ELMO1: variants seen among roughly 807,000 people sequenced by gnomAD.
ELMO1 encodes the protein engulfment and cell motility protein 1.
ELMO1 carries 26 observed loss-of-function variants against 98.9 expected under a neutral mutation model. The ratio of observed to expected loss-of-function variants is 0.26; its 90% CI spans 0.19 to 0.36. The LOEUF is 0.36. Among genes scored for constraint, ELMO1 ranks in the 10% least tolerant of loss-of-function variants. The probability of loss-of-function intolerance (pLI) is 1.00; values close to 1 mark genes in which losing one functional copy is unlikely to be tolerated. For synonymous variants in ELMO1, 346 were observed against 346.0 expected, an observed-to-expected ratio of 1.00 and a Z score of 0.00; for missense variants, 627 against 935.2, an observed-to-expected ratio of 0.67 and a Z score of 4.30.
intron 1 of ELMO1, among the ~76,000 whole-genome samples, chr7:37,397,764 C>T (rs867606513): frequency 7.2e-5 from 11 of 152,110 alleles, no homozygotes; most frequent in Admixed American, 1.3e-4. Flanking sequence ...TGCCCATCAA[C>T]GATCGACTGG....
At chr7:37,234,677 G>GGATGAT (rs10673256) in intron 7 of ELMO1, among the ~76,000 whole-genome samples, 24 of 151,814 alleles carry the variant, frequency 1.6e-4, no homozygotes, top group Middle Eastern at 3.4e-3. Context: ...TTAAAAATGG[G>GGATGAT]GATGATGATG....
intron 1 of ELMO1, among the ~76,000 whole-genome samples, chr7:37,365,722 C>T (rs1341868973): frequency 2.0e-5 from 3 of 152,314 alleles, no homozygotes; most frequent in Non-Finnish European, 4.4e-5. Flanking sequence ...AGTCTTCTTT[C>T]CTGAATAGTA....
intron 1 of ELMO1, among the ~76,000 whole-genome samples, chr7:37,418,975 T>C (rs916416788): frequency 6.6e-6 from 1 of 152,016 alleles, no homozygotes; most frequent in Admixed American, 6.6e-5. Flanking sequence ...CCCAGCGTGA[T>C]TGAGATCTCT....
intron 13 of ELMO1, among the ~76,000 whole-genome samples, chr7:37,163,698 T>C (rs943957589): frequency 1.3e-5 from 2 of 152,264 alleles, no homozygotes; most frequent in Non-Finnish European, 2.9e-5. Context: ...TAGTATTCCA[T>C]GGTGTATATG....
At chr7:37,369,816 T>C (rs1326991382) in intron 1 of ELMO1, among the ~76,000 whole-genome samples, 1 of 152,052 alleles carries the variant, frequency 6.6e-6, no homozygotes, top group East Asian at 1.9e-4. Flanking sequence ...ATATCTTCAA[T>C]GGTGGGGCTC....
intron 18 of ELMO1, among the ~76,000 whole-genome samples, chr7:36,884,732 C>T (rs575474108): frequency 1.3e-4 from 20 of 152,332 alleles, no homozygotes; most frequent in African/African-American, 4.1e-4. Flanking sequence ...GCTAGCCAAA[C>T]GTGGCACAGT....
At chr7:37,371,746 T>C (rs187924913) in intron 1 of ELMO1, among the ~76,000 whole-genome samples, 9 of 152,326 alleles carry the variant, frequency 5.9e-5, no homozygotes, top group East Asian at 1.9e-4. Flanking sequence ...CAGACTCTCC[T>C]GGTTCTCCTA....
At chr7:37,243,409 C>T (rs534988332) in intron 7 of ELMO1, among the ~76,000 whole-genome samples, 2 of 152,196 alleles carry the variant, frequency 1.3e-5, no homozygotes, top group South Asian at 4.1e-4. Context: ...AGACAATGCC[C>T]AGGATAAAGT....
chr7:37,345,366 A>G (rs1800945558), intron 1 of ELMO1, among the ~76,000 whole-genome samples: 1 of 152,042 alleles, frequency 6.6e-6, no homozygotes. Flanking sequence ...CAGGAATACA[A>G]TTTTAAACAG....
At chr7:37,398,823 A>G (rs971033515) in intron 1 of ELMO1, among the ~76,000 whole-genome samples, 2 of 152,146 alleles carry the variant, frequency 1.3e-5, no homozygotes, top group African/African-American at 4.8e-5. Flanking sequence ...CTGCATCTAC[A>G]ATGTGGGGCC....
chr7:37,394,178 C>G (rs1035577172), intron 1 of ELMO1, among the ~76,000 whole-genome samples: 8 of 152,276 alleles, frequency 5.3e-5, no homozygotes, highest in African/African-American at 1.4e-4. Flanking sequence ...AGAGAATGGT[C>G]TCTCACAGAA....
At chr7:36,863,089 G>GA (rs1802754987) in intron 20 of ELMO1, among the ~76,000 whole-genome samples, 1 of 152,150 alleles carries the variant, frequency 6.6e-6, no homozygotes, top group Non-Finnish European at 1.5e-5. Flanking sequence ...GTCCCTCATT[G>GA]AGAGGGGGCA....
At chr7:36,890,114 T>TGGGGTCAATCAGGCC (rs1805425845) in intron 17 of ELMO1, among the ~76,000 whole-genome samples, 2 of 152,254 alleles carry the variant, frequency 1.3e-5, no homozygotes, top group Non-Finnish European at 2.9e-5. Context: ...ATTCTGAGCT[T>TGGGGTCAATCAGGCC]GGGGTCAATC....
At chr7:36,888,685 C>G (rs756482100) in intron 17 of ELMO1, among the ~76,000 whole-genome samples, 1 of 152,226 alleles carries the variant, frequency 6.6e-6, no homozygotes, top group Non-Finnish European at 1.5e-5. Context: ...TAAGGCACAA[C>G]TGAATTTGCT....
chr7:36,974,738 G>C (rs1029510250), intron 16 of ELMO1, among the ~76,000 whole-genome samples: 13 of 152,116 alleles, frequency 8.5e-5, no homozygotes, highest in Admixed American at 5.2e-4. Context: ...TTGTTCTTTC[G>C]CTCTTTGCAA....
chr7:36,947,427 A>G (rs1269267062), intron 16 of ELMO1, among the ~76,000 whole-genome samples: 4 of 151,692 alleles, frequency 2.6e-5, no homozygotes, highest in African/African-American at 7.3e-5. Flanking sequence ...TCATTTTCCA[A>G]CTCACTCTCC....
chr7:37,371,493 G>A (rs779367130), intron 1 of ELMO1, among the ~76,000 whole-genome samples: 8 of 152,048 alleles, frequency 5.3e-5, no homozygotes, highest in Non-Finnish European at 1.0e-4. Context: ...TCATTTACTC[G>A]GAAAACTTAT....
At chr7:37,311,705 G>T (rs7779294) in intron 4 of ELMO1, among the ~76,000 whole-genome samples, 5,625 of 152,230 alleles carry the variant, frequency 0.037, 325 homozygotes, top group African/African-American at 0.12. Flanking sequence ...GCTGTGCCCA[G>T]TGACAGCTGC....
intron 1 of ELMO1, among the ~76,000 whole-genome samples, chr7:37,405,368 G>T (rs1210233676): frequency 1.3e-5 from 2 of 152,036 alleles, no homozygotes; most frequent in African/African-American, 4.8e-5. Flanking sequence ...CTGCCCCCAT[G>T]TCTGTCTGTC....
Sources: allele counts gnomAD v4.1 joint callset (sites outside exome capture counted in the v4.1 genomes callset), GRCh38; gene constraint gnomAD v4.1.1; transcripts MANE v1.5; gene names NCBI Gene and HGNC (gene_info 2026-07-23, HGNC 2026-07-21).